Variants in IFT27 observed in about 807,000 individuals in gnomAD.
IFT27 encodes intraflagellar transport 27, also known as intraflagellar transport protein 27 homolog.
In IFT27, 19 loss-of-function variants were observed where a neutral mutation model predicts 23.9. The observed-to-expected ratio is 0.79, with a 90% CI of 0.55 to 1.16. The LOEUF (loss-of-function observed/expected upper bound fraction) is 1.16, where lower values mean the gene tolerates loss of function less well. Among genes scored for constraint, IFT27 ranks in the 50% most tolerant of loss-of-function variants. IFT27 has a pLI of 0.00. For missense variants in IFT27, 206 were observed against 228.7 expected (o/e 0.90, Z 0.64); for synonymous variants, 91 against 89.1 (o/e 1.02, Z -0.12).
chr22:36,759,445 A>G (rs1214550185), intron 6 of IFT27: 2 of 152,186 alleles, frequency 1.3e-5, no homozygotes, highest in African/African-American at 4.8e-5. Flanking sequence ...CCTAGATTTT[A>G]TCTAAGCGGT....
intron 1 of IFT27, among the ~76,000 whole-genome samples, chr22:36,770,121 A>G (rs935224449): frequency 2.0e-5 from 3 of 152,182 alleles, no homozygotes; most frequent in African/African-American, 7.2e-5. Flanking sequence ...CCTAGGGGCA[A>G]GGGCTGGGCC....
chr22:36,771,384 T>C (rs1390383115), intron 1 of IFT27, among the ~76,000 whole-genome samples: 1 of 152,236 alleles, frequency 6.6e-6, no homozygotes, highest in East Asian at 1.9e-4. Context: ...CTGACTTATG[T>C]AGTCCTTGGT....
chr22:36,772,441 G>T, intron 1 of IFT27: 1 of 883,410 alleles, frequency 1.1e-6, no homozygotes, highest in Non-Finnish European at 1.4e-6. Flanking sequence ...TATGCACAGT[G>T]CCTGGCATAT....
At chr22:36,766,345 C>A in intron 3 of IFT27, 148 bp from the exon 4 acceptor site, 2 of 679,388 alleles carry the variant, frequency 2.9e-6, no homozygotes, top group Non-Finnish European at 5.3e-6. Flanking sequence ...TTCTCCCAGG[C>A]ACGAGAGAAG....
chr22:36,758,819 G>A (rs963919234), intron 6 of IFT27: 17 of 181,476 alleles, frequency 9.4e-5, no homozygotes, highest in Non-Finnish European at 1.6e-4. Context: ...GAGCTAGACA[G>A]CATGGGGCAC....
chr22:36,764,202 C>T (rs73419737), intron 4 of IFT27, among the ~76,000 whole-genome samples, 166 bp from the exon 5 acceptor site: 9,028 of 152,330 alleles, frequency 0.059, 916 homozygotes, highest in African/African-American at 0.2. Context: ...AAGGAATGAA[C>T]GGAGGGCCAC....
intron 6 of IFT27, chr22:36,759,498 G>T (rs1424289431): frequency 6.6e-6 from 1 of 152,126 alleles, no homozygotes; most frequent in African/African-American, 2.4e-5. Context: ...ACAGGCTGGA[G>T]GGCAAAGGAA....
intron 1 of IFT27, 114 bp from the exon 2 acceptor site, chr22:36,767,976 T>A: frequency 1.0e-6 from 1 of 962,880 alleles, no homozygotes; most frequent in Non-Finnish European, 1.7e-6. Flanking sequence ...TTGAGAGATG[T>A]ACTTGCCTCT....
At chr22:36,775,567 A>G (rs2009667) in intron 1 of IFT27, 107 bp downstream of exon 1, 632,502 of 1,178,076 alleles carry the variant, frequency 0.54, 179,286 homozygotes, top group East Asian at 0.79. Context: ...CCTTTGGGAG[A>G]GAGAAAGGAA....
Position 36,758,281 on chromosome 22 carries a change from C to T in IFT27, c.*30G>A, listed in dbSNP as rs373124388. On this transcript the variant is annotated 3_prime_UTR_variant, in exon 7 of 7. Transcript: ENST00000433985. ...AGAGCAGAGGTAATTCTGTCTTCTCCGGTTGTGCAGCACGATCTGCTCCAG... is the reference window on the plus strand; with the variant it reads ...AGAGCAGAGGTAATTCTGTCTTCTCTGGTTGTGCAGCACGATCTGCTCCAG... 6.1e-5 allele frequency: 92 copies of T among 1,512,612 alleles called. No individual in the cohort carries two copies. The highest frequency in any genetic ancestry group is 4.1e-4 in the African/African-American group (30 of 72,742). The allele number at this position is 1,512,612 out of a possible 1,614,324, so 93.7% of individuals were successfully genotyped here.
chr22:36,767,413 G>A (rs754842308), intron 2 of IFT27, 48 bp from the exon 3 acceptor site: 2 of 1,557,610 alleles, frequency 1.3e-6, no homozygotes, highest in Admixed American at 1.7e-5. Context: ...CCCAAAGGGA[G>A]AGCATGTTAC....
intron 5 of IFT27, chr22:36,763,223 C>T (rs968264836): frequency 1.1e-5 from 5 of 438,094 alleles, no homozygotes; most frequent in Non-Finnish European, 2.0e-5. Flanking sequence ...GCTTTTCATG[C>T]ACAACTTCTG....
intron 1 of IFT27, among the ~76,000 whole-genome samples, chr22:36,771,164 C>T (rs971426500): frequency 1.3e-5 from 2 of 152,166 alleles, no homozygotes; most frequent in South Asian, 2.1e-4. Flanking sequence ...GCTCCCAGGG[C>T]CCCTCCTCCC....
chr22:36,768,009 G>A (rs1463995151), intron 1 of IFT27, 147 bp from the exon 2 acceptor site: 4 of 754,038 alleles, frequency 5.3e-6, no homozygotes, highest in Middle Eastern at 2.3e-4. Context: ...TTCTGAGGCC[G>A]CGGGCAGGGC....
chr22:36,769,948 T>TA (rs1938354103), intron 1 of IFT27, among the ~76,000 whole-genome samples: 1 of 152,200 alleles, frequency 6.6e-6, no homozygotes, highest in Admixed American at 6.5e-5. Context: ...CTGTGTTGGC[T>TA]ATGAGGGCTC....
At position 36,763,947 on chromosome 22, in the gene IFT27, C is replaced by A. The variant is rs2145916589; in HGVS notation, c.324G>T (p.Arg108=). 1 of 1,613,802 alleles carries A rather than the reference C, an allele frequency of 6.2e-7. No homozygotes were observed. The highest frequency in any genetic ancestry group is 1.1e-5 in the South Asian group (1 of 91,072). The change falls in exon 5 of 7, where the codon CGG becomes CGT. Residue 108 remains arginine, a synonymous_variant. Transcript: ENST00000433985. Reference sequence around the variant, plus strand: ...GGAGAGAGATGCCTGGAGCCTGTGACCGAGCCTTCTCCAGCCACTTGCTGC... The same window carrying A: ...GGAGAGAGATGCCTGGAGCCTGTGAACGAGCCTTCTCCAGCCACTTGCTGC... ...NNCSKWLEKA[R]SQAPGISLPG... is the part of the protein sequence containing the mutation.
rs1938423936 is a variant in IFT27 at position 36,773,089 on chromosome 22, G to T, written c.34+2585C>A. ...GGCACAAAGAGGCCGGGCATAGTGG[G>T]TGGCTCACGCCTGTAATCCCAGCAC... On this transcript the variant is annotated intron_variant, in intron 1 of 6. Coordinates refer to ENST00000433985, the MANE Select transcript of IFT27 (RefSeq NM_001177701.3). Among the ~76,000 whole-genome samples, 3 of 152,232 alleles carry T rather than the reference G, an allele frequency of 2.0e-5. No individual in the cohort carries two copies. In the South Asian group the frequency reaches 6.2e-4, roughly 31 times the overall value.
chr22:36,774,574 G>A (rs763674928), intron 1 of IFT27, among the ~76,000 whole-genome samples: 9 of 152,290 alleles, frequency 5.9e-5, no homozygotes, highest in South Asian at 2.1e-4. Context: ...TTGGGAGGCC[G>A]AGGTGGGTGG....
chr22:36,764,153 G>A (rs1172785604), intron 4 of IFT27, 117 bp from the exon 5 acceptor site: 11 of 721,752 alleles, frequency 1.5e-5, no homozygotes, highest in Admixed American at 6.0e-5. Context: ...AACAAGAAAC[G>A]AAAACAGCCA....
Sources: allele counts gnomAD v4.1 joint callset (sites outside exome capture counted in the v4.1 genomes callset), GRCh38; gene constraint gnomAD v4.1.1; transcripts MANE v1.5; gene names NCBI Gene and HGNC (gene_info 2026-07-23, HGNC 2026-07-21).